VIL1: variants seen among roughly 807,000 people sequenced by gnomAD.
VIL1 encodes villin-1.
VIL1 carries 86 observed loss-of-function variants against 104.0 expected under a neutral mutation model. The observed-to-expected ratio is 0.83, with a 90% CI of 0.69 to 0.99. The LOEUF (loss-of-function observed/expected upper bound fraction) is 0.99, where lower values mean the gene tolerates loss of function less well. VIL1 is among the 50% of genes least tolerant of loss of function. The pLI is 0.00. For synonymous variants in VIL1, 394 were observed against 412.6 expected, an observed-to-expected ratio of 0.95 and a Z score of 0.55; for missense variants, 944 against 1,054.1, an observed-to-expected ratio of 0.90 and a Z score of 1.45.
chr2:218,425,914 C>A, intron 4 of VIL1, 103 bp downstream of exon 4: 1 of 1,252,600 alleles, frequency 8.0e-7, no homozygotes, highest in Non-Finnish European at 1.1e-6. Flanking sequence ...CTGTTCAGGC[C>A]TGGGAAGAAC....
At position 218,431,883 on chromosome 2, in the gene VIL1, G is replaced by A. The variant is rs1482627422; in HGVS notation, c.1129G>A (p.Ala377Thr). 1.6e-5 allele frequency: 26 copies of A among 1,613,786 alleles called. No individual in the cohort carries two copies. Among genetic ancestry groups the A allele is most frequent in the African/African-American group, 2.7e-5 (2 of 74,886 alleles). Reference sequence around the variant, plus strand: ...CAAAGTGGAACAGGTGAAGTTCGATGCCACATCCATGCATGTCAAGCCTCA... The same window carrying A: ...CAAAGTGGAACAGGTGAAGTTCGATACCACATCCATGCATGTCAAGCCTCA... The part of the protein sequence containing the change: ...VAKVEQVKFD[A>T]TSMHVKPQVA... The change falls in exon 11 of 20, where the codon GCC becomes ACC. Residue 377 changes from alanine to threonine, a missense_variant. Coordinates refer to ENST00000248444, the MANE Select transcript of VIL1 (RefSeq NM_007127.3).
intron 9 of VIL1, among the ~76,000 whole-genome samples, chr2:218,430,212 C>G (rs769367870): frequency 6.6e-5 from 10 of 152,132 alleles, no homozygotes; most frequent in Non-Finnish European, 1.2e-4. Flanking sequence ...GATGTGGGCT[C>G]TCACCTCCCT....
chr2:218,430,952 C>A, intron 10 of VIL1, 74 bp downstream of exon 10: 1 of 1,545,564 alleles, frequency 6.5e-7, no homozygotes, highest in South Asian at 1.2e-5. Flanking sequence ...GGTCCACCAC[C>A]CACCCTCCTT....
At position 218,449,379 on chromosome 2, in the gene VIL1, T is replaced by C. The variant is rs771826792; in HGVS notation, c.*43T>C. The C allele has an allele frequency of 6.7e-7, 1 of 1,494,078 alleles. No individual in the cohort carries two copies. The highest frequency in any genetic ancestry group is 2.3e-5 in the East Asian group (1 of 44,116). 92.6% of individuals were successfully genotyped at this position (1,494,078 alleles called of 1,614,324 possible). ...GTAAAGCAGTACCCTACCCTGATTGTAGGGTCTCATTTTCTCACCGATATT... is the reference window on the plus strand; with the variant it reads ...GTAAAGCAGTACCCTACCCTGATTGCAGGGTCTCATTTTCTCACCGATATT... On this transcript the variant is annotated 3_prime_UTR_variant, in exon 20 of 20. Transcript: ENST00000248444.
chr2:218,447,319 A>C (rs1194502555), intron 19 of VIL1, among the ~76,000 whole-genome samples: 2 of 151,896 alleles, frequency 1.3e-5, no homozygotes, highest in African/African-American at 4.8e-5. Context: ...GACAGCAATA[A>C]AATCTTTTTT....
chr2:218,449,211 CTCT>C lies in VIL1; in HGVS notation c.2371-5_2371-3del, dbSNP rs751821455. 4 of 1,607,782 alleles carry C rather than the reference CTCT, an allele frequency of 2.5e-6. No homozygotes were observed. Among genetic ancestry groups the C allele is most frequent in the East Asian group, 2.2e-5 (1 of 44,854 alleles). ...ATGTGACCTTTGCCCTCTGGTCCCT[CTCT>C]TCTTCTAGGAACACCTGTCCATTGA... On this transcript the variant is annotated splice_polypyrimidine_tract_variant and intron_variant, in intron 19 of 19. Coordinates refer to ENST00000248444, the MANE Select transcript of VIL1 (RefSeq NM_007127.3).
intron 1 of VIL1, among the ~76,000 whole-genome samples, chr2:218,420,302 G>T (rs1191620725): frequency 6.6e-6 from 1 of 151,608 alleles, no homozygotes; most frequent in Non-Finnish European, 1.5e-5. Context: ...GCTCGCGCAC[G>T]CCTATAGTCC....
In VIL1 at chr2:218,425,821, G is replaced by A; in HGVS notation, c.347+10G>A. On this transcript the variant is annotated intron_variant, in intron 4 of 19. Transcript: ENST00000248444. ...TCAAGCAAGGCCTTGTGTAGGGAGG[G>A]TGGGCTGCAGGCCGGGGGAATGAGG... The A allele has an allele frequency of 6.3e-7, 1 of 1,598,198 alleles. No homozygotes were observed. The highest frequency in any genetic ancestry group is 8.5e-7 in the Non-Finnish European group (1 of 1,170,950).
Position 218,429,279 on chromosome 2 carries a change from C to A in VIL1, c.568-6C>A. On this transcript the variant is annotated splice_region_variant and splice_polypyrimidine_tract_variant and intron_variant, in intron 6 of 19. Transcript: ENST00000248444. ...TCCCGATGGGTCACCAGGGGCCTTC[C>A]TGCAGGGCATGACTCTGGCCAAGGA... The A allele has an allele frequency of 1.9e-6, 3 of 1,608,788 alleles. No individual in the cohort carries two copies. The highest frequency in any genetic ancestry group is 2.5e-6 in the Non-Finnish European group (3 of 1,176,606).
intron 2 of VIL1, 41 bp downstream of exon 2, chr2:218,423,894 G>T: frequency 6.2e-7 from 1 of 1,609,330 alleles, no homozygotes; most frequent in Non-Finnish European, 8.5e-7. Flanking sequence ...CAGGCCTGGG[G>T]TGGAGGGAGG....
rs1173333204 is a variant in VIL1 at position 218,440,801 on chromosome 2, A to G, written c.2309A>G (p.Glu770Gly). 1.2e-6 allele frequency: 2 copies of G among 1,614,164 alleles called. No homozygotes were observed. Among genetic ancestry groups the G allele is most frequent in the African/African-American group, 1.3e-5 (1 of 75,048 alleles). The change falls in exon 19 of 20, where the codon GAG becomes GGG. Residue 770 changes from glutamate to glycine, a missense_variant. Glu to Gly is a moderately conservative substitution (Grantham distance 98). Coordinates refer to ENST00000248444, the MANE Select transcript of VIL1 (RefSeq NM_007127.3). ...SSGPLPIFPL[E>G]QLVNKPVEEL... The stretch of plus-strand genomic sequence containing the variant: ...GGGCCTCTGCCCATCTTCCCCCTGG[A>G]GCAGCTAGTGAACAAGCCTGTAGAG...
chr2:218,424,446 T>C (rs1688946096), intron 3 of VIL1, 95 bp downstream of exon 3: 11 of 1,340,058 alleles, frequency 8.2e-6, no homozygotes, highest in Non-Finnish European at 1.1e-5. Flanking sequence ...AGAGTTGGCC[T>C]GGCTTCACCC....
intron 13 of VIL1, 81 bp downstream of exon 13, chr2:218,433,032 G>A (rs1689126905): frequency 1.3e-6 from 2 of 1,563,686 alleles, no homozygotes; most frequent in African/African-American, 2.7e-5. Flanking sequence ...GGGATGGGTG[G>A]TGGGAGCAGG....
rs147914510 is a variant in VIL1, at chr2:218,435,428, C to T, written c.1820C>T (p.Thr607Ile). ...GGTGGGAAGGCCCCCTATGCCAACA[C>T]CAAGAGGTAACTCTCAGGTCCCTCC... ...ALGGKAPYAN[T>I]KRLQEENLVI... The change falls in exon 15 of 20, where the codon ACC (threonine) becomes ATC (isoleucine). Residue 607 changes from threonine to isoleucine, a missense_variant. Coordinates refer to ENST00000248444, the MANE Select transcript of VIL1 (RefSeq NM_007127.3). 503 of 1,613,608 alleles carry T rather than the reference C, an allele frequency of 3.1e-4. No individual in the cohort carries two copies. The highest frequency in any genetic ancestry group is 1.7e-4 in the Admixed American group (10 of 59,946).
At chr2:218,441,472 A>G (rs1689283666) in intron 19 of VIL1, among the ~76,000 whole-genome samples, 1 of 152,184 alleles carries the variant, frequency 6.6e-6, no homozygotes, top group Admixed American at 6.5e-5. Flanking sequence ...TTATTGAGGC[A>G]AAGTAAGTTA....
chr2:218,425,921 G>A, intron 4 of VIL1, 110 bp downstream of exon 4: 1 of 1,201,254 alleles, frequency 8.3e-7, no homozygotes, highest in Non-Finnish European at 1.1e-6. Flanking sequence ...GGCCTGGGAA[G>A]AACACTTGGA....
At chr2:218,433,860 T>C (rs1044842014) in intron 13 of VIL1, among the ~76,000 whole-genome samples, 5 of 149,896 alleles carry the variant, frequency 3.3e-5, no homozygotes, top group Non-Finnish European at 5.9e-5. Flanking sequence ...ATCACACCAT[T>C]GCACTCCAGC....
In VIL1 at chr2:218,431,954, G is replaced by A. The variant is rs372147210; in HGVS notation, c.1200G>A (p.Val400=). 9.0e-5 allele frequency: 146 copies of A among 1,613,932 alleles called. 3 individuals carry two copies. The highest frequency in any genetic ancestry group is 4.2e-4 in the Admixed American group (25 of 59,970). ...TGGTAGATGATGGGAGTGGGGAAGT[G>A]CAGGTATGTGAGGGCAGAGAGGCCC... ...QKMVDDGSGE[V]QVWRIENLEL... The change falls in exon 11 of 20, where the codon GTG becomes GTA. Residue 400 remains valine, a synonymous_variant. Transcript: ENST00000248444.
chr2:218,429,698 C>T lies in VIL1; in HGVS notation c.849+23C>T, dbSNP rs190142604. ...GAGGTAAGAGGGTCTGGAGACCCCT[C>T]AGCCTACTGCAGCCTGGCCCCCTTT... On this transcript the variant is annotated intron_variant, in intron 8 of 19. Coordinates refer to ENST00000248444, the MANE Select transcript of VIL1 (RefSeq NM_007127.3). The T allele has an allele frequency of 3.0e-4, 482 of 1,613,140 alleles. 4 individuals are homozygous for T. In the African/African-American group the frequency reaches 5.7e-3, roughly 19 times the overall value.
Sources: allele counts gnomAD v4.1 joint callset (sites outside exome capture counted in the v4.1 genomes callset), GRCh38; gene constraint gnomAD v4.1.1; transcripts MANE v1.5; gene names NCBI Gene and HGNC (gene_info 2026-07-23, HGNC 2026-07-21).